Variants in ZNF521 observed in about 807,000 individuals in gnomAD.
ZNF521 encodes the protein LYST-interacting protein 3.
ZNF521 carries 14 observed loss-of-function variants against 105.5 expected under a neutral mutation model. The ratio of observed to expected loss-of-function variants is 0.13; its 90% confidence interval spans 0.09 to 0.21. The LOEUF (loss-of-function observed/expected upper bound fraction) is 0.21, where lower values mean the gene tolerates loss of function less well. Among genes scored for constraint, ZNF521 ranks in the 10% least tolerant of loss-of-function variants. The pLI, the probability that ZNF521 is intolerant of heterozygous loss-of-function variation, is 1.00. For synonymous variants in ZNF521, 635 were observed against 606.0 expected (o/e 1.05, Z -0.70); for missense variants, 1,233 against 1,629.7 (o/e 0.76, Z 4.19).
chr18:25,099,557 T>C (rs1333284786), intron 5 of ZNF521, among the ~76,000 whole-genome samples: 1 of 152,152 alleles, frequency 6.6e-6, no homozygotes, highest in African/African-American at 2.4e-5. Context: ...AAGTGCCATA[T>C]CAAAGAAGGG....
intron 5 of ZNF521, among the ~76,000 whole-genome samples, chr18:25,141,807 A>G (rs1244540917): frequency 2.0e-5 from 3 of 152,140 alleles, no homozygotes; most frequent in African/African-American, 7.2e-5. Flanking sequence ...GAGTATAAAC[A>G]AAATAAGCCC....
rs530829048 is a variant in ZNF521 at position 25,096,381 on chromosome 18, CTATT to C, written c.3659-4304_3659-4301del. ...ATTTATAAAACCTGGACCTACATAA[CTATT>C]TATTAGCCTGTTTTATAACAGGAGA... On this transcript the variant is annotated intron_variant, in intron 5 of 7. Transcript: ENST00000361524. Among the ~76,000 whole-genome samples, 41 of 152,270 alleles carry C rather than the reference CTATT, an allele frequency of 2.7e-4. No individual in the cohort carries two copies. The South Asian group carries it at 5.8e-3, about 22-fold the overall frequency.
At chr18:25,260,197 C>T (rs900089833) in intron 3 of ZNF521, among the ~76,000 whole-genome samples, 1 of 152,152 alleles carries the variant, frequency 6.6e-6, no homozygotes, top group East Asian at 1.9e-4. Flanking sequence ...ACTTCTGTCA[C>T]TTATTCACTA....
At chr18:25,111,957 C>A (rs901651888) in intron 5 of ZNF521, among the ~76,000 whole-genome samples, 1 of 152,174 alleles carries the variant, frequency 6.6e-6, no homozygotes, top group Non-Finnish European at 1.5e-5. Flanking sequence ...CCCACAGCCG[C>A]AGATCACTAT....
At chr18:25,271,829 A>G (rs1909680697) in intron 3 of ZNF521, among the ~76,000 whole-genome samples, 1 of 152,226 alleles carries the variant, frequency 6.6e-6, no homozygotes, top group South Asian at 2.1e-4. Context: ...AACCTAGGCA[A>G]TACCATTCAG....
At chr18:25,275,465 C>T (rs1036962157) in intron 3 of ZNF521, among the ~76,000 whole-genome samples, 4 of 152,128 alleles carry the variant, frequency 2.6e-5, no homozygotes, top group East Asian at 3.8e-4. Context: ...ATTGGCCATC[C>T]GGGCACCCAC....
chr18:25,158,354 C>T (rs1377174485), intron 5 of ZNF521, among the ~76,000 whole-genome samples: 6 of 151,998 alleles, frequency 3.9e-5, no homozygotes, highest in South Asian at 4.2e-4. Flanking sequence ...TTCCAAAATG[C>T]TACAATGTAC....
chr18:25,255,358 AG>A, intron 3 of ZNF521, among the ~76,000 whole-genome samples: 1 of 152,286 alleles, frequency 6.6e-6, no homozygotes, highest in African/African-American at 2.4e-5. Context: ...GTAAAAAGGA[AG>A]GTGGAAAGTT....
intron 5 of ZNF521, among the ~76,000 whole-genome samples, chr18:25,105,699 G>A (rs776555833): frequency 6.6e-6 from 1 of 152,122 alleles, no homozygotes; most frequent in Non-Finnish European, 1.5e-5. Context: ...GAAGTGATAT[G>A]GGTAGTTACT....
intron 4 of ZNF521, among the ~76,000 whole-genome samples, chr18:25,223,846 A>G (rs541947951): frequency 1.1e-4 from 16 of 152,286 alleles, no homozygotes; most frequent in Non-Finnish European, 2.2e-4. Flanking sequence ...CTCTCTACCC[A>G]GAAGACAAAG....
In ZNF521 at chr18:25,273,878, T is replaced by C. The variant is rs142727626; in HGVS notation, c.221-46181A>G. ...GGGTTAGGATAAGTACAGTTTTCTA[T>C]TATTAATAATAAACTAATTGTTTAA... On this transcript the variant is annotated intron_variant, in intron 3 of 7. Coordinates refer to ENST00000361524, the MANE Select transcript of ZNF521 (RefSeq NM_015461.3). Among the ~76,000 whole-genome samples the C allele has an allele frequency of 2.8e-3, 427 of 152,288 alleles. 2 individuals carry two copies. The highest frequency in any genetic ancestry group is 9.8e-3 in the African/African-American group (406 of 41,566).
rs141349050 is a variant in ZNF521 at position 25,120,456 on chromosome 18, C to T, written c.3659-28375G>A. 2.9e-3 allele frequency among the ~76,000 whole-genome samples: 444 copies of T among 152,066 alleles called. 2 individuals carry two copies. The highest frequency in any genetic ancestry group is 0.01 in the African/African-American group (420 of 41,494). ...AAAATTAGCTGGGTGTGGTGGCATG[C>T]GCCTGTAGTCCCAGCTACTTGGGAG... On this transcript the variant is annotated intron_variant, in intron 5 of 7. Transcript: ENST00000361524.
chr18:25,107,004 T>A (rs1241467161), intron 5 of ZNF521, among the ~76,000 whole-genome samples: 1 of 152,202 alleles, frequency 6.6e-6, no homozygotes, highest in East Asian at 1.9e-4. Flanking sequence ...AGCACAGGCA[T>A]CATCCCCAAA....
At chr18:25,157,954 A>C (rs1025124203) in intron 5 of ZNF521, among the ~76,000 whole-genome samples, 1 of 152,002 alleles carries the variant, frequency 6.6e-6, no homozygotes, top group African/African-American at 2.4e-5. Context: ...GGGTTTCACT[A>C]TGTTGGCCAG....
intron 5 of ZNF521, among the ~76,000 whole-genome samples, chr18:25,093,340 T>C (rs2033787480): frequency 6.6e-6 from 1 of 152,180 alleles, no homozygotes; most frequent in African/African-American, 2.4e-5. Flanking sequence ...ACATTACACT[T>C]TTATATTCTC....
chr18:25,312,531 G>GATGATCACTTTGTCTTTGGTAACT (rs1337795110), intron 3 of ZNF521, among the ~76,000 whole-genome samples: 12 of 40,808 alleles, frequency 2.9e-4, no homozygotes, highest in African/African-American at 5.4e-4. Context: ...GTTGGAACCA[G>GATGATCACTTTGTCTTTGGTAACT]GCCGGGCGCG....
intron 5 of ZNF521, among the ~76,000 whole-genome samples, chr18:25,133,481 C>A (rs1366387644): frequency 2.0e-5 from 3 of 152,058 alleles, no homozygotes; most frequent in African/African-American, 7.2e-5. Context: ...TCTTTAAGAC[C>A]TCACTTTCTT....
chr18:25,320,215 C>T (rs1181879780), intron 3 of ZNF521, among the ~76,000 whole-genome samples: 1 of 152,122 alleles, frequency 6.6e-6, no homozygotes, highest in Non-Finnish European at 1.5e-5. Flanking sequence ...TCTTGTTGCC[C>T]AGGCTGGACT....
At chr18:25,158,029 C>T (rs1419884319) in intron 5 of ZNF521, among the ~76,000 whole-genome samples, 1 of 152,208 alleles carries the variant, frequency 6.6e-6, no homozygotes, top group African/African-American at 2.4e-5. Flanking sequence ...GCTGGGATTA[C>T]AGGCATCAGC....
Sources: allele counts gnomAD v4.1 joint callset (sites outside exome capture counted in the v4.1 genomes callset), GRCh38; gene constraint gnomAD v4.1.1; transcripts MANE v1.5; gene names NCBI Gene and HGNC (gene_info 2026-07-23, HGNC 2026-07-21).